Variants in PTPRT observed in about 807,000 individuals in gnomAD.
PTPRT encodes protein tyrosine phosphatase receptor type T.
PTPRT carries 56 observed loss-of-function variants against 176.8 expected under a neutral mutation model. That is an observed-to-expected ratio of 0.32 (90% CI 0.26 to 0.40). The LOEUF is 0.40. PTPRT is among the 10% of genes least tolerant of loss of function. PTPRT has a pLI of 1.00. For missense variants in PTPRT, 1,540 were observed against 1,908.2 expected (o/e 0.81, Z 3.60); for synonymous variants, 783 against 739.0 (o/e 1.06, Z -0.96).
intron 7 of PTPRT, among the ~76,000 whole-genome samples, chr20:42,579,824 T>C (rs1250172979): frequency 6.6e-6 from 1 of 152,212 alleles, no homozygotes; most frequent in Admixed American, 6.5e-5. Context: ...GATGAGTAGA[T>C]TACAAAAATT....
chr20:42,593,901 A>C (rs957614419), intron 7 of PTPRT, among the ~76,000 whole-genome samples: 2 of 152,210 alleles, frequency 1.3e-5, no homozygotes, highest in African/African-American at 2.4e-5. Flanking sequence ...AGGCTTCTCA[A>C]TATGTTTCCA....
chr20:42,812,255 T>C (rs2077708787), intron 2 of PTPRT, among the ~76,000 whole-genome samples: 1 of 152,150 alleles, frequency 6.6e-6, no homozygotes, highest in African/African-American at 2.4e-5. Flanking sequence ...AAATTTAGCA[T>C]TTTAATTATT....
chr20:42,350,295 C>T (rs2058263731), intron 11 of PTPRT, among the ~76,000 whole-genome samples: 1 of 136,864 alleles, frequency 7.3e-6, no homozygotes, highest in South Asian at 2.4e-4. Context: ...GTGGCATGAT[C>T]ACAGTTCACT....
rs528169932 is a variant in PTPRT at position 42,465,938 on chromosome 20, C to G, written c.1450+6328G>C. ...TGATGCTCTCCCTCCCCACACTCCC[C>G]CAACAGGCCCCAGGGTGTGCTGTTC... On this transcript the variant is annotated intron_variant, in intron 8 of 30. Coordinates refer to ENST00000373187, the MANE Select transcript of PTPRT (RefSeq NM_007050.6). 1.8e-4 allele frequency among the ~76,000 whole-genome samples: 28 copies of G among 152,220 alleles called. No homozygotes were observed. In the South Asian group the frequency reaches 2.3e-3, roughly 12 times the overall value.
chr20:42,884,227 C>T (rs2079069161), intron 2 of PTPRT, among the ~76,000 whole-genome samples: 1 of 152,128 alleles, frequency 6.6e-6, no homozygotes, highest in Admixed American at 6.5e-5. Context: ...TGACTTTGCT[C>T]ATTCAAAGTA....
At chr20:42,794,861 G>A (rs1416641228) in intron 2 of PTPRT, among the ~76,000 whole-genome samples, 1 of 120,796 alleles carries the variant, frequency 8.3e-6, no homozygotes, top group African/African-American at 3.1e-5. Context: ...GTAAGGTCTT[G>A]GGGGTGGGGG....
intron 2 of PTPRT, among the ~76,000 whole-genome samples, chr20:42,876,388 T>G (rs2078931769): frequency 6.6e-6 from 1 of 152,200 alleles, no homozygotes; most frequent in Admixed American, 6.5e-5. Context: ...GATTACATCT[T>G]TCCAAGAGGA....
intron 9 of PTPRT, among the ~76,000 whole-genome samples, chr20:42,385,687 G>A (rs1440669172): frequency 8.5e-5 from 13 of 152,148 alleles, no homozygotes. Context: ...CACAATCATG[G>A]TGGAAGGCAA....
At chr20:42,633,295 T>C (rs972642941) in intron 7 of PTPRT, among the ~76,000 whole-genome samples, 7 of 152,114 alleles carry the variant, frequency 4.6e-5, no homozygotes, top group African/African-American at 1.4e-4. Flanking sequence ...ATATATTTTA[T>C]GTACTGGAAT....
intron 1 of PTPRT, among the ~76,000 whole-genome samples, chr20:43,187,401 G>C (rs2146494042): frequency 6.6e-6 from 1 of 151,900 alleles, no homozygotes; most frequent in East Asian, 1.9e-4. Flanking sequence ...AATAAAATAA[G>C]ATAAGTCCAT....
intron 1 of PTPRT, among the ~76,000 whole-genome samples, chr20:42,975,532 T>C (rs562317290): frequency 1.3e-5 from 2 of 152,350 alleles, no homozygotes; most frequent in South Asian, 2.1e-4. Context: ...AAAAATCATC[T>C]AAACTTTGTA....
At chr20:42,164,776 T>G (rs1989757041) in intron 16 of PTPRT, among the ~76,000 whole-genome samples, 1 of 152,200 alleles carries the variant, frequency 6.6e-6, no homozygotes, top group Admixed American at 6.5e-5. Context: ...AAAACTAATG[T>G]GCGATTCTGC....
intron 8 of PTPRT, among the ~76,000 whole-genome samples, chr20:42,450,097 G>T (rs1353665179): frequency 6.6e-6 from 1 of 152,208 alleles, no homozygotes; most frequent in Non-Finnish European, 1.5e-5. Flanking sequence ...TGCTTAGAGG[G>T]GGCGTTGCCC....
At chr20:42,632,677 T>A (rs1478848207) in intron 7 of PTPRT, among the ~76,000 whole-genome samples, 1 of 149,546 alleles carries the variant, frequency 6.7e-6, no homozygotes, top group Admixed American at 6.7e-5. Flanking sequence ...TACTATATTT[T>A]ACTATATTTA....
At chr20:43,052,009 A>G (rs1987066001) in intron 1 of PTPRT, among the ~76,000 whole-genome samples, 1 of 152,234 alleles carries the variant, frequency 6.6e-6, no homozygotes, top group Admixed American at 6.5e-5. Context: ...AATGAATGAA[A>G]AATTCCTGGA....
intron 7 of PTPRT, among the ~76,000 whole-genome samples, chr20:42,590,996 G>C (rs931595113): frequency 6.7e-6 from 1 of 150,156 alleles, no homozygotes; most frequent in East Asian, 2.0e-4. Context: ...TCCAAAGAGG[G>C]ACTTTTCCAG....
the PTPRT span, among the ~76,000 whole-genome samples, chr20:42,038,933 T>C: frequency 6.6e-6 from 1 of 152,184 alleles, no homozygotes; most frequent in Non-Finnish European, 1.5e-5. Context: ...CACAGATATC[T>C]GAATGTACAA....
At chr20:42,767,897 AACATATAATT>A (rs2077005610) in intron 5 of PTPRT, among the ~76,000 whole-genome samples, 1 of 146,828 alleles carries the variant, frequency 6.8e-6, no homozygotes, top group Non-Finnish European at 1.5e-5. Context: ...AACTTAGGAT[AACATATAATT>A]ACATATAATT....
At chr20:42,326,473 A>G (rs1383165050) in intron 11 of PTPRT, among the ~76,000 whole-genome samples, 1 of 152,252 alleles carries the variant, frequency 6.6e-6, no homozygotes, top group Non-Finnish European at 1.5e-5. Flanking sequence ...AATTAATAAA[A>G]GAATTCAGTA....
Sources: allele counts gnomAD v4.1 joint callset (sites outside exome capture counted in the v4.1 genomes callset), GRCh38; gene constraint gnomAD v4.1.1; transcripts MANE v1.5; gene names NCBI Gene and HGNC (gene_info 2026-07-23, HGNC 2026-07-21).